The following SART1 variants were observed in gnomAD, a reference collection of about 807,000 sequenced individuals.
SART1 encodes spliceosome associated factor 1, recruiter of U4/U6.U5 tri-snRNP.
Under a neutral mutation model 105.0 loss-of-function variants are expected in SART1, and 28 were observed. The ratio of observed to expected loss-of-function variants is 0.27; its 90% confidence interval spans 0.20 to 0.37. The LOEUF is 0.37. Ranked by LOEUF, SART1 falls within the 10% of genes least tolerant of loss-of-function variation. SART1 has a pLI of 1.00. For synonymous variants in SART1, 472 were observed against 462.9 expected (o/e 1.02, Z -0.25); for missense variants, 894 against 1,106.5 (o/e 0.81, Z 2.72).
chr11:65,967,781 A>G lies in SART1; in HGVS notation c.1532A>G (p.Gln511Arg), dbSNP rs202186196. 3.7e-4 allele frequency: 570 copies of G among 1,549,090 alleles called. 5 individuals carry two copies. In the East Asian group the frequency reaches 0.012, roughly 33 times the overall value. The change falls in exon 12 of 20, where the codon CAG (glutamine) becomes CGG (arginine). Residue 511 changes from glutamine (Q) to arginine (R), a missense_variant. By Grantham distance (43) the Gln-to-Arg change is conservative (BLOSUM62 1). Around this residue, in one of 2 missense-constraint regions of SART1, gnomAD observed 712 missense variants for 778.2 expected, o/e 0.91. Transcript: ENST00000312397. ...KQLEKGRRLR[Q>R]LQQLQQLRDS... Reference sequence around the variant, plus strand: ...CTGGAGAAGGGACGCCGGCTGCGACAGTTACAGCAGCTACAGCAGCTGCGA... The same window carrying G: ...CTGGAGAAGGGACGCCGGCTGCGACGGTTACAGCAGCTACAGCAGCTGCGA...
At position 65,976,040 on chromosome 11, in the gene SART1, G is replaced by T. The variant is rs78162580; in HGVS notation, c.1573-355G>T. ...AGTGCTGTCTAGAGTCCTGAAACCG[G>T]AGTTTGTCGGGGGAGGGGCAGGTGG... On this transcript the variant is annotated intron_variant, in intron 12 of 19. Transcript: ENST00000312397. The surrounding 1 kb of genome is among the most constrained non-coding windows in gnomAD (Gnocchi z 5.1). 1.3e-5 allele frequency among the ~76,000 whole-genome samples: 2 copies of T among 152,082 alleles called. No individual in the cohort carries two copies. Among genetic ancestry groups the T allele is most frequent in the African/African-American group, 4.8e-5 (2 of 41,418 alleles).
intron 12 of SART1, among the ~76,000 whole-genome samples, chr11:65,970,545 G>C (rs1177478547): frequency 6.6e-6 from 1 of 152,050 alleles, no homozygotes; most frequent in Non-Finnish European, 1.5e-5. Context: ...ATTTCAGGAG[G>C]GAAGGTGGGG....
In SART1 at chr11:65,973,289, C is replaced by G. The variant is rs562622461; in HGVS notation, c.1573-3106C>G. On this transcript the variant is annotated intron_variant, in intron 12 of 19. Coordinates refer to ENST00000312397, the MANE Select transcript of SART1 (RefSeq NM_005146.5). ...GAAGATATTTGCCCATATATACCAC[C>G]AAGAATGGGTTGGTGTCAAGAGTAT... 5.3e-5 allele frequency among the ~76,000 whole-genome samples: 8 copies of G among 151,954 alleles called. No homozygotes were observed. In the South Asian group the frequency reaches 1.7e-3, roughly 32 times the overall value.
chr11:65,976,930 T>C lies in SART1; in HGVS notation c.1858-84T>C. The C allele has an allele frequency of 1.6e-6, 2 of 1,250,618 alleles. No individual in the cohort carries two copies. Among genetic ancestry groups the C allele is most frequent in the Non-Finnish European group, 2.3e-6 (2 of 855,710 alleles). 77.5% of individuals were successfully genotyped at this position (1,250,618 alleles called of 1,614,324 possible). On this transcript the variant is annotated intron_variant, in intron 14 of 19. Transcript: ENST00000312397. The surrounding 1 kb of genome is among the most constrained non-coding windows in gnomAD (Gnocchi z 5.1). ...GAGGAAATTAAATGTTGTGGAGGGC[T>C]GGTGCCTGGCAGGTGGTGACCAGTG...
In SART1 at chr11:65,967,629, C is replaced by T. The variant is rs781635200; in HGVS notation, c.1429+43C>T. On this transcript the variant is annotated intron_variant, in intron 11 of 19. Coordinates refer to ENST00000312397, the MANE Select transcript of SART1 (RefSeq NM_005146.5). ...GGGTGGGAGGGGCAGGGACAGGAGC[C>T]GCGGGTTGGAGGAGATGGTCTGAGC... 12 of 1,600,932 alleles carry T rather than the reference C, an allele frequency of 7.5e-6. No homozygotes were observed. The Admixed American group carries it at 1.7e-4, about 23-fold the overall frequency.
At chr11:65,963,788 G>A (rs993754237) in intron 1 of SART1, among the ~76,000 whole-genome samples, 22 of 152,158 alleles carry the variant, frequency 1.4e-4, no homozygotes, top group African/African-American at 5.3e-4. Flanking sequence ...CCCAGACCTT[G>A]TCTGTTAAAA....
At chr11:65,968,070 C>G (rs1855298452) in intron 12 of SART1, among the ~76,000 whole-genome samples, 1 of 151,660 alleles carries the variant, frequency 6.6e-6, no homozygotes, top group Non-Finnish European at 1.5e-5. Context: ...ATTCCTCAGC[C>G]TCCTGAGTAG....
rs1293621666 is a variant in SART1, at chr11:65,965,972, C to T, written c.824C>T (p.Thr275Ile). The part of the protein sequence containing the change: ...SFREGETMIL[T>I]LKDKGVLQEE... ...CGAGAAGGGGAGACAATGATTCTTA[C>T]CCTCAAGGACAAAGGTAATGCGAGC... The change falls in exon 7 of 20, where the codon ACC becomes ATC. Residue 275 changes from threonine to isoleucine, a missense_variant. By Grantham distance (89) the Thr-to-Ile change is moderately conservative. Coordinates refer to ENST00000312397, the MANE Select transcript of SART1 (RefSeq NM_005146.5). 6.2e-7 allele frequency: 1 copy of T among 1,614,080 alleles called. No individual in the cohort carries two copies. Among genetic ancestry groups the T allele is most frequent in the Non-Finnish European group, 8.5e-7 (1 of 1,180,034 alleles).
intron 2 of SART1, 140 bp downstream of exon 2, chr11:65,964,271 C>A: frequency 1.1e-6 from 1 of 897,144 alleles, no homozygotes; most frequent in Non-Finnish European, 1.8e-6. Flanking sequence ...CAACAGTTGA[C>A]TTATAGAAGA....
chr11:65,961,977 G>A lies in SART1; in HGVS notation c.197G>A (p.Gly66Glu), dbSNP rs1003348012. Reference protein sequence around the residue: ...SRERGGERGSGRRGAEAEARS... With the variant: ...SRERGGERGSERRGAEAEARS... ...GAACGTGGGGGCGAGCGCGGGAGCG[G>A]GCGGCGCGGGGCCGAAGCTGAGGCC... The change falls in exon 1 of 20, where the codon GGG (glycine) becomes GAG (glutamate). Residue 66 changes from glycine to glutamate, a missense_variant. Gly to Glu is a moderately conservative substitution (Grantham distance 98, BLOSUM62 -2). This residue lies in a region of SART1 where 712 missense variants were observed against 778.2 expected (regional missense o/e 0.91). Coordinates refer to ENST00000312397, the MANE Select transcript of SART1 (RefSeq NM_005146.5). 12 of 1,521,132 alleles carry A rather than the reference G, an allele frequency of 7.9e-6. No individual in the cohort carries two copies. Among genetic ancestry groups the A allele is most frequent in the South Asian group, 1.2e-5 (1 of 81,534 alleles). 94.2% of individuals were successfully genotyped at this position (1,521,132 alleles called of 1,614,324 possible).
Position 65,967,815 on chromosome 11 carries a change from C to A in SART1, c.1566C>A (p.Gly522=). The A allele has an allele frequency of 6.5e-7, 1 of 1,533,672 alleles. No homozygotes were observed. The highest frequency in any genetic ancestry group is 8.8e-7 in the Non-Finnish European group (1 of 1,137,944). The change falls in exon 12 of 20, where the codon GGC becomes GGA. Residue 522 remains glycine (G), a synonymous_variant. Transcript: ENST00000312397. ...LQQLQQLRDS[G]EKVVEIVKKL... ...AGCTACAGCAGCTGCGAGACAGTGG[C>A]GAGAAGGTGAGGCTGGGCATGGGCA... is the stretch of plus-strand genomic sequence containing the variant.
chr11:65,962,176 G>C, intron 1 of SART1, 83 bp downstream of exon 1: 1 of 1,073,878 alleles, frequency 9.3e-7, no homozygotes, highest in African/African-American at 1.7e-5. Context: ...CAGTGTCAGC[G>C]AAGCTCTTCA....
Position 65,979,238 on chromosome 11 carries a change from G to A in SART1, c.*208G>A. ...GAGAGAGCGAGCCCGGGTCCTCTAA[G>A]GCTCCTTCCTTCTCCCCTGGCTGTC... On this transcript the variant is annotated 3_prime_UTR_variant, in exon 20 of 20. Coordinates refer to ENST00000312397, the MANE Select transcript of SART1 (RefSeq NM_005146.5). 1.5e-6 allele frequency: 1 copy of A among 647,058 alleles called. No individual in the cohort carries two copies. The highest frequency in any genetic ancestry group is 2.7e-6 in the Non-Finnish European group (1 of 370,854). The allele number at this position is 647,058 out of a possible 1,614,324, so 40.1% of individuals were successfully genotyped here.
At position 65,978,016 on chromosome 11, in the gene SART1, C is replaced by A; in HGVS notation, c.2172+117C>A. ...GGGTCCTGGCTCCACCAGCCTCTGG[C>A]TGGGGGCCTGGTGAATGCCACGGAT... On this transcript the variant is annotated intron_variant, in intron 17 of 19. Transcript: ENST00000312397. The surrounding 1 kb of genome is among the most constrained non-coding windows in gnomAD (Gnocchi z 6.8). 2 of 1,157,470 alleles carry A rather than the reference C, an allele frequency of 1.7e-6. No homozygotes were observed. Among genetic ancestry groups the A allele is most frequent in the Non-Finnish European group, 2.4e-6 (2 of 824,792 alleles). 71.7% of individuals were successfully genotyped at this position (1,157,470 alleles called of 1,614,324 possible).
chr11:65,963,592 C>G (rs1855188862), intron 1 of SART1, among the ~76,000 whole-genome samples: 1 of 152,148 alleles, frequency 6.6e-6, no homozygotes, highest in South Asian at 2.1e-4. Flanking sequence ...AGCAATTCTC[C>G]TACCTCAGCC....
Position 65,962,003 on chromosome 11 carries a change from C to T in SART1, c.223C>T (p.Arg75Trp). The stretch of plus-strand genomic sequence containing the variant: ...GCGGCGCGGGGCCGAAGCTGAGGCC[C>T]GGAGCAGCACGCACGGGCGGGAGCG... ...SGRRGAEAEARSSTHGRERSQ... is the reference protein window; with the variant it reads ...SGRRGAEAEAWSSTHGRERSQ... Residue 75 changes from arginine (R) to tryptophan (W), a missense_variant, in exon 1 of 20, where the codon CGG (arginine) becomes TGG (tryptophan). This residue lies in a region of SART1 where 712 missense variants were observed against 778.2 expected (regional missense o/e 0.91). Transcript: ENST00000312397. The T allele has an allele frequency of 4.0e-6, 6 of 1,514,174 alleles. No individual in the cohort carries two copies. Among genetic ancestry groups the T allele is most frequent in the Non-Finnish European group, 5.3e-6 (6 of 1,135,656 alleles). The allele number at this position is 1,514,174 out of a possible 1,614,324, so 93.8% of individuals were successfully genotyped here.
rs1369549906 is a variant in SART1 at position 65,975,446 on chromosome 11, C to T, written c.1573-949C>T. 3.5e-5 allele frequency among the ~76,000 whole-genome samples: 5 copies of T among 141,356 alleles called. No homozygotes were observed. The East Asian group carries it at 1.1e-3, about 31-fold the overall frequency. The allele number at this position is 141,356 out of a possible 152,430, so 92.7% of individuals were successfully genotyped here. A position where few individuals can be genotyped will look rare whatever the true frequency, so the allele number is the denominator to read the frequency against. On this transcript the variant is annotated intron_variant, in intron 12 of 19. Coordinates refer to ENST00000312397, the MANE Select transcript of SART1 (RefSeq NM_005146.5). The stretch of plus-strand genomic sequence containing the variant: ...TTTTTTTTTTCGAGACGGGGTTTCA[C>T]TCTTGCCCACTCTTTTGAGTGCAGT...
intron 2 of SART1, 77 bp from the exon 3 acceptor site, chr11:65,964,438 T>C: frequency 6.5e-7 from 1 of 1,545,858 alleles, no homozygotes; most frequent in South Asian, 1.1e-5. Flanking sequence ...ACCCTGTTTC[T>C]CCTCTTGTCT....
rs757515432 is a variant in SART1 at position 65,977,105 on chromosome 11, G to A, written c.1945+4G>A. On this transcript the variant is annotated splice_donor_region_variant and intron_variant, in intron 15 of 19. Coordinates refer to ENST00000312397, the MANE Select transcript of SART1 (RefSeq NM_005146.5). ...CTGCTCCTGTGTCAGAACAAAGGTA[G>A]GGAGCTCAGGGCAGCCATGACTTGG... 1 of 1,610,798 alleles carries A rather than the reference G, an allele frequency of 6.2e-7. No individual in the cohort carries two copies. Among genetic ancestry groups the A allele is most frequent in the South Asian group, 1.1e-5 (1 of 91,008 alleles).
Sources: allele counts gnomAD v4.1 joint callset (sites outside exome capture counted in the v4.1 genomes callset), GRCh38; gene constraint gnomAD v4.1.1; regional missense constraint gnomAD v4.1.1; non-coding constraint Gnocchi (gnomAD v3.1); transcripts MANE v1.5; gene names NCBI Gene and HGNC (gene_info 2026-07-23, HGNC 2026-07-21).